CDON: variants seen among roughly 807,000 people sequenced by gnomAD.
CDON encodes cell adhesion associated, oncogene regulated.
CDON carries 73 observed loss-of-function variants against 120.9 expected under a neutral mutation model. That is an observed-to-expected ratio of 0.60 (90% CI 0.50 to 0.73). CDON has a LOEUF of 0.73. Ranked by LOEUF, CDON falls within the 30% of genes least tolerant of loss-of-function variation. CDON has a pLI of 0.00. For missense variants in CDON, 1,470 were observed against 1,587.3 expected, an observed-to-expected ratio of 0.93 and a Z score of 1.26; for synonymous variants, 566 against 573.5, an observed-to-expected ratio of 0.99 and a Z score of 0.19.
At position 125,961,055 on chromosome 11, in the gene CDON, C is replaced by T; in HGVS notation, c.3682G>A (p.Ala1228Thr). ...TCGGGGACAGGTGGCAAAATAAGAG[C>T]ATTCCAACTTACAATGTTGATCTCT... ...ETEINIVSWNALILPPVPEGC... is the reference protein window; with the variant it reads ...ETEINIVSWNTLILPPVPEGC... The change falls in exon 20 of 20, where the codon GCT becomes ACT. Residue 1228 changes from alanine (A) to threonine (T), a missense_variant. Transcript: ENST00000531738. 6.2e-7 allele frequency: 1 copy of T among 1,614,056 alleles called. No homozygotes were observed.
At chr11:125,973,396 G>C (rs57047734) in intron 18 of CDON, among the ~76,000 whole-genome samples, 56,205 of 151,626 alleles carry the variant, frequency 0.37, 10,448 homozygotes, top group Admixed American at 0.43. Flanking sequence ...GCCGGGCGTG[G>C]TGGCGGGCAC....
At position 126,055,812 on chromosome 11, in the gene CDON, A is replaced by G. The variant is rs563799903; in HGVS notation, c.-62+6767T>C. Among the ~76,000 whole-genome samples, 27 of 152,348 alleles carry G rather than the reference A, an allele frequency of 1.8e-4. 1 individual carries two copies. The highest frequency in any genetic ancestry group is 4.1e-4 in the South Asian group (2 of 4,826). On this transcript the variant is annotated intron_variant, in intron 1 of 19. Transcript: ENST00000531738. Reference sequence around the variant, plus strand: ...TTTCTGATACCAATACACTTAGAATATTGAAAAAGTCCCTATTTAAGTAAG... The same window carrying G: ...TTTCTGATACCAATACACTTAGAATGTTGAAAAAGTCCCTATTTAAGTAAG...
chr11:126,038,897 T>C (rs560231970), intron 1 of CDON, among the ~76,000 whole-genome samples: 2 of 152,314 alleles, frequency 1.3e-5, no homozygotes, highest in East Asian at 3.9e-4. Flanking sequence ...ATTACCTTCT[T>C]TGCTTGAACA....
At chr11:126,003,431 T>C (rs1947013721) in intron 10 of CDON, among the ~76,000 whole-genome samples, 1 of 152,170 alleles carries the variant, frequency 6.6e-6, no homozygotes, top group South Asian at 2.1e-4. Context: ...TTCTATAGAA[T>C]AGGACAATAC....
chr11:126,023,173 A>ATAT (rs2134705748), intron 2 of CDON, among the ~76,000 whole-genome samples: 1 of 152,146 alleles, frequency 6.6e-6, no homozygotes, highest in South Asian at 2.1e-4. Context: ...AATGAAAGGG[A>ATAT]TAAATTATAA....
chr11:125,969,277 C>T (rs530663282), intron 18 of CDON, among the ~76,000 whole-genome samples: 9 of 152,216 alleles, frequency 5.9e-5, no homozygotes, highest in African/African-American at 1.7e-4. Context: ...GGATTACAGG[C>T]GTGAGCCACC....
chr11:126,029,332 C>T lies in CDON; in HGVS notation c.-61-5795G>A, dbSNP rs566351625. Among the ~76,000 whole-genome samples the T allele has an allele frequency of 3.9e-5, 6 of 152,240 alleles. No homozygotes were observed. The South Asian group carries it at 1.2e-3, about 32-fold the overall frequency. On this transcript the variant is annotated intron_variant, in intron 1 of 19. Coordinates refer to ENST00000531738, the MANE Select transcript of CDON (RefSeq NM_001378964.1). The stretch of plus-strand genomic sequence containing the variant: ...TTCCAATGACAAAAAACAACGTGGA[C>T]ACAAAATCTCGCTTTTTACCCATAA...
intron 18 of CDON, among the ~76,000 whole-genome samples, chr11:125,971,362 G>A (rs369264955): frequency 2.9e-4 from 44 of 149,238 alleles, no homozygotes; most frequent in South Asian, 8.6e-4. Context: ...CAGCCTGGGC[G>A]ACACAGCGAG....
intron 1 of CDON, among the ~76,000 whole-genome samples, chr11:126,031,898 C>T (rs115783867): frequency 1.6e-4 from 24 of 152,302 alleles, no homozygotes; most frequent in African/African-American, 5.8e-4. Flanking sequence ...CTTTGACAAG[C>T]ATAATAAACT....
At chr11:126,038,912 C>T (rs1240556441) in intron 1 of CDON, among the ~76,000 whole-genome samples, 2 of 152,162 alleles carry the variant, frequency 1.3e-5, no homozygotes, top group South Asian at 2.1e-4. Context: ...TGAACAGCCT[C>T]GGGGTGCAAA....
At chr11:126,033,371 C>T (rs910914422) in intron 1 of CDON, among the ~76,000 whole-genome samples, 4 of 152,084 alleles carry the variant, frequency 2.6e-5, no homozygotes, top group South Asian at 2.1e-4. Flanking sequence ...AGATTTGGGT[C>T]GCAGATGACA....
Position 125,961,648 on chromosome 11 carries a change from G to C in CDON, c.3631+76C>G, listed in dbSNP as rs530779423. 3.1e-5 allele frequency: 49 copies of C among 1,594,720 alleles called. No individual in the cohort carries two copies. In the South Asian group the frequency reaches 5.5e-4, roughly 18 times the overall value. Reference sequence around the variant, plus strand: ...TAATCATAGAGGGGAAACTCTGAAAGCATCACCTTCCCATACACAGCTCTT... The same window carrying C: ...TAATCATAGAGGGGAAACTCTGAAACCATCACCTTCCCATACACAGCTCTT... On this transcript the variant is annotated intron_variant, in intron 19 of 19. Coordinates refer to ENST00000531738, the MANE Select transcript of CDON (RefSeq NM_001378964.1).
intron 1 of CDON, among the ~76,000 whole-genome samples, chr11:126,051,425 C>T (rs1457509860): frequency 6.6e-6 from 1 of 152,120 alleles, no homozygotes; most frequent in African/African-American, 2.4e-5. Flanking sequence ...CCAAGGTTCA[C>T]ATTTAGAAAT....
At chr11:126,036,073 G>A (rs1460015694) in intron 1 of CDON, among the ~76,000 whole-genome samples, 3 of 152,112 alleles carry the variant, frequency 2.0e-5, no homozygotes, top group South Asian at 2.1e-4. Context: ...ACACACATAT[G>A]TATACATACT....
At chr11:126,027,542 A>C (rs1157464380) in intron 1 of CDON, among the ~76,000 whole-genome samples, 4 of 152,212 alleles carry the variant, frequency 2.6e-5, no homozygotes, top group Non-Finnish European at 5.9e-5. Flanking sequence ...GTGTGTACTT[A>C]AGTTCCCCTA....
In CDON at chr11:125,978,398, G is replaced by A. The variant is rs368369872; in HGVS notation, c.3277-15C>T. 23 of 1,554,248 alleles carry A rather than the reference G, an allele frequency of 1.5e-5. No individual in the cohort carries two copies. In the African/African-American group the frequency reaches 2.4e-4, roughly 16 times the overall value. On this transcript the variant is annotated splice_polypyrimidine_tract_variant and intron_variant, in intron 17 of 19. Coordinates refer to ENST00000531738, the MANE Select transcript of CDON (RefSeq NM_001378964.1). ...ATTCCACCACCCTGGACAGGAAGGA[G>A]TGTCAGAGAAAAAGAAAAGAAGAAG...
intron 14 of CDON, among the ~76,000 whole-genome samples, chr11:125,990,762 A>C (rs943447356): frequency 1.4e-4 from 21 of 152,234 alleles, no homozygotes; most frequent in African/African-American, 5.1e-4. Context: ...AAAATATTTC[A>C]ATCTGAAAGT....
chr11:126,048,716 T>A (rs2134891989), intron 1 of CDON, among the ~76,000 whole-genome samples: 1 of 152,324 alleles, frequency 6.6e-6, no homozygotes, highest in East Asian at 1.9e-4. Context: ...TTTTTTTTCT[T>A]TTCTGAGATG....
chr11:125,983,684 T>A (rs1946378213), intron 16 of CDON, among the ~76,000 whole-genome samples, 188 bp downstream of exon 16: 1 of 152,222 alleles, frequency 6.6e-6, no homozygotes, highest in African/African-American at 2.4e-5. Flanking sequence ...GCAATTTAAT[T>A]TGATGCTCCA....
Sources: gnomAD v4.1 joint callset for allele counts (sites outside exome capture counted in the v4.1 genomes callset) on GRCh38, gnomAD v4.1.1 for gene constraint, MANE v1.5 for transcripts, NCBI Gene and HGNC (gene_info 2026-07-23, HGNC 2026-07-21) for gene names.